MOCS1: variants seen among roughly 807,000 people sequenced by gnomAD.
The protein encoded by MOCS1 is molybdenum cofactor synthesis 1, also known as molybdenum cofactor biosynthesis protein 1.
A neutral mutation model predicts 57.6 loss-of-function variants in MOCS1; 39 were observed. The observed-to-expected ratio is 0.68, with a 90% confidence interval of 0.52 to 0.88. MOCS1 has a LOEUF of 0.88. Ranked by LOEUF, MOCS1 falls within the 40% of genes least tolerant of loss-of-function variation. The pLI, the probability that MOCS1 is intolerant of heterozygous loss-of-function variation, is 0.00. For synonymous variants in MOCS1, 334 were observed against 335.7 expected, an observed-to-expected ratio of 1.00 and a Z score of 0.05; for missense variants, 795 against 831.1, an observed-to-expected ratio of 0.96 and a Z score of 0.53.
chr6:39,926,380 G>C (rs1182690063), intron 2 of MOCS1, among the ~76,000 whole-genome samples: 7 of 151,944 alleles, frequency 4.6e-5, no homozygotes, highest in Admixed American at 3.3e-4. Context: ...TTTATATGTT[G>C]GAAAACTGAG....
intron 2 of MOCS1, 33 bp from the exon 3 acceptor site, chr6:39,925,878 G>A (rs374123766): frequency 6.3e-5 from 101 of 1,594,058 alleles, no homozygotes; most frequent in Admixed American, 1.0e-4. Context: ...TGTGGAGGGA[G>A]GAAAGAGGCA....
chr6:39,922,787 G>C (rs962713187), intron 3 of MOCS1, among the ~76,000 whole-genome samples: 1 of 152,110 alleles, frequency 6.6e-6, no homozygotes. Flanking sequence ...CCTCAGGCTC[G>C]GCAGAAACTG....
chr6:39,907,175 C>G, intron 10 of MOCS1, 58 bp from the exon 11 acceptor site: 1 of 1,525,064 alleles, frequency 6.6e-7, no homozygotes, highest in Non-Finnish European at 8.8e-7. Context: ...TTCTTTTTCC[C>G]ACCTCTACTC....
Position 39,905,781 on chromosome 6 carries a change from C to G in MOCS1, c.*576G>C. 2.1e-6 allele frequency: 1 copy of G among 471,164 alleles called. No individual in the cohort carries two copies. The highest frequency in any genetic ancestry group is 4.4e-6 in the Non-Finnish European group (1 of 227,080). The allele number at this position is 471,164 out of a possible 1,614,324, so 29.2% of individuals were successfully genotyped here. On this transcript the variant is annotated 3_prime_UTR_variant, in exon 11 of 11. Transcript: ENST00000340692. ...ACTGTTAAGCTGAAAGGCTGCAAGTCTGATGGGACACAGACTTGGGCAGAA... is the reference window on the plus strand; with the variant it reads ...ACTGTTAAGCTGAAAGGCTGCAAGTGTGATGGGACACAGACTTGGGCAGAA...
chr6:39,925,582 T>C (rs1384114926), intron 3 of MOCS1, 96 bp downstream of exon 3: 2 of 1,418,020 alleles, frequency 1.4e-6, no homozygotes, highest in African/African-American at 2.8e-5. Flanking sequence ...TGTCATGTGC[T>C]AAATGAATGT....
rs142826054 is a variant in MOCS1, at chr6:39,906,356, G to A, written c.*1C>T. On this transcript the variant is annotated 3_prime_UTR_variant, in exon 11 of 11. Coordinates refer to ENST00000340692, the MANE Select transcript of MOCS1 (RefSeq NM_001358530.2). ...TGGGCCATGGGTGAGAAGGGCAGGT[G>A]CTAAGCCCGATGGAAGTCCCCCCGC... 9 of 1,596,470 alleles carry A rather than the reference G, an allele frequency of 5.6e-6. No homozygotes were observed. The African/African-American group carries it at 1.1e-4, about 19-fold the overall frequency.
intron 3 of MOCS1, 82 bp from the exon 4 acceptor site, chr6:39,916,314 T>G (rs1465114197): frequency 4.5e-6 from 7 of 1,556,198 alleles, no homozygotes; most frequent in Admixed American, 1.7e-5. Flanking sequence ...CAAAACTCTT[T>G]GTCCAGACAA....
intron 3 of MOCS1, among the ~76,000 whole-genome samples, chr6:39,924,886 T>G (rs2149418262): frequency 6.6e-6 from 1 of 152,236 alleles, no homozygotes; most frequent in East Asian, 1.9e-4. Context: ...CGAGACCAGC[T>G]TAGCCAACAT....
rs531039008 is a variant in MOCS1, at chr6:39,913,718, A to G, written c.645+56T>C. 1.3e-5 allele frequency: 20 copies of G among 1,584,724 alleles called. 1 individual carries two copies. Among genetic ancestry groups the G allele is most frequent in the African/African-American group, 1.1e-4 (8 of 74,218 alleles). ...AAGTGGGCCAAGGGGCGGTGAGGGGAAGGCCAGGGCAGTGTGGAGGGAAGT... is the reference window on the plus strand; with the variant it reads ...AAGTGGGCCAAGGGGCGGTGAGGGGGAGGCCAGGGCAGTGTGGAGGGAAGT... On this transcript the variant is annotated intron_variant, in intron 5 of 10. Transcript: ENST00000340692.
intron 3 of MOCS1, among the ~76,000 whole-genome samples, chr6:39,922,543 G>A (rs1309067742): frequency 6.6e-6 from 1 of 151,660 alleles, no homozygotes; most frequent in African/African-American, 2.4e-5. Flanking sequence ...GCTATTCATG[G>A]CCAAACCCGC....
Position 39,911,215 on chromosome 6 carries a change from G to A in MOCS1, c.981+1049C>T, listed in dbSNP as rs147697072. ...ACCACCTCTAGTCCAAGTCAATTCC[G>A]TATCTCCAGCCCAGAAAAACCCCCA... On this transcript the variant is annotated intron_variant, in intron 8 of 10. Transcript: ENST00000340692. Among the ~76,000 whole-genome samples, 334 of 152,216 alleles carry A rather than the reference G, an allele frequency of 2.2e-3. 1 individual carries two copies. The highest frequency in any genetic ancestry group is 7.5e-3 in the African/African-American group (311 of 41,498).
At chr6:39,925,577 T>C in intron 3 of MOCS1, 101 bp downstream of exon 3, 1 of 1,337,902 alleles carries the variant, frequency 7.5e-7, no homozygotes, top group Non-Finnish European at 1.1e-6. Context: ...GAGAGTGTCA[T>C]GTGCTAAATG....
intron 10 of MOCS1, among the ~76,000 whole-genome samples, chr6:39,907,994 T>C (rs547152535): frequency 6.6e-6 from 1 of 152,348 alleles, no homozygotes; most frequent in Non-Finnish European, 1.5e-5. Context: ...GACATGTCAA[T>C]GTCAGAGGGG....
chr6:39,923,639 T>C (rs1458950657), intron 3 of MOCS1, among the ~76,000 whole-genome samples: 1 of 152,258 alleles, frequency 6.6e-6, no homozygotes, highest in East Asian at 1.9e-4. Flanking sequence ...CAGCCTGCCT[T>C]TTAGCCCTGA....
chr6:39,924,327 T>C (rs1316093657), intron 3 of MOCS1, among the ~76,000 whole-genome samples: 2 of 152,222 alleles, frequency 1.3e-5, no homozygotes, highest in Admixed American at 6.5e-5. Context: ...CCAGTCTCCA[T>C]TCATTCAGCG....
intron 1 of MOCS1, among the ~76,000 whole-genome samples, chr6:39,928,145 C>T (rs899765438): frequency 1.3e-5 from 2 of 151,994 alleles, no homozygotes; most frequent in Non-Finnish European, 2.9e-5. Context: ...GGATTCAAAT[C>T]CAGGTCTTCT....
rs1256205031 is a variant in MOCS1 at position 39,904,484 on chromosome 6, A to G, written c.*1873T>C. 2.2e-6 allele frequency: 1 copy of G among 454,332 alleles called. No individual in the cohort carries two copies. Among genetic ancestry groups the G allele is most frequent in the Non-Finnish European group, 4.4e-6 (1 of 226,968 alleles). 28.1% of individuals were successfully genotyped at this position (454,332 alleles called of 1,614,324 possible). A position where few individuals can be genotyped will look rare whatever the true frequency, so the allele number is the denominator to read the frequency against. On this transcript the variant is annotated 3_prime_UTR_variant, in exon 11 of 11. Transcript: ENST00000340692. ...CCTCCCCACTGCTCCTGCCACCTTT[A>G]GATAAGTTTCTCTAGCTAATTTTGT...
Position 39,906,545 on chromosome 6 carries a change from C to A in MOCS1, c.1723G>T (p.Val575Leu), listed in dbSNP as rs938403965. 6.2e-7 allele frequency: 1 copy of A among 1,613,782 alleles called. No homozygotes were observed. Among genetic ancestry groups the A allele is most frequent in the Non-Finnish European group, 8.5e-7 (1 of 1,180,038 alleles). Residue 575 changes from valine (V) to leucine (L), a missense_variant, in exon 11 of 11, where the codon GTG (valine) becomes TTG (leucine). This residue lies in a region of MOCS1 where 374 missense variants were observed against 422.6 expected (regional missense o/e 0.89). Coordinates refer to ENST00000340692, the MANE Select transcript of MOCS1 (RefSeq NM_001358530.2). ...QLELDSTRHAVKIQASCRARG... is the reference protein window; with the variant it reads ...QLELDSTRHALKIQASCRARG... ...GCCCGGCAAGATGCCTGGATCTTCA[C>A]GGCATGGCGTGTGCTGTCCAGCTCC... is the stretch of plus-strand genomic sequence containing the variant.
intron 1 of MOCS1, among the ~76,000 whole-genome samples, chr6:39,931,771 TG>T (rs755119159): frequency 6.6e-6 from 1 of 152,106 alleles, no homozygotes; most frequent in Non-Finnish European, 1.5e-5. Flanking sequence ...CCTGAACAGA[TG>T]GGTGCCTTTG....
Sources: gnomAD v4.1 joint callset for allele counts (sites outside exome capture counted in the v4.1 genomes callset) on GRCh38, gnomAD v4.1.1 for gene constraint, gnomAD v4.1.1 regional missense constraint, MANE v1.5 for transcripts, NCBI Gene and HGNC (gene_info 2026-07-23, HGNC 2026-07-21) for gene names.